Variants in GOT1 observed in about 807,000 individuals in gnomAD.
GOT1 encodes aspartate aminotransferase, cytoplasmic.
Under a neutral mutation model 48.2 loss-of-function variants are expected in GOT1, and 25 were observed. The ratio of observed to expected loss-of-function variants is 0.52; its 90% CI spans 0.38 to 0.72. The LOEUF is 0.72. Among genes scored for constraint, GOT1 ranks in the 30% least tolerant of loss-of-function variants. The pLI, the probability that GOT1 is intolerant of heterozygous loss-of-function variation, is 0.00. For missense variants in GOT1, 380 were observed against 520.1 expected, an observed-to-expected ratio of 0.73 and a Z score of 2.62; for synonymous variants, 188 against 193.8, an observed-to-expected ratio of 0.97 and a Z score of 0.25.
rs1415453222 is a variant in GOT1 at position 99,430,527 on chromosome 10, G to A, written c.39C>T (p.Ala13=). 1.2e-6 allele frequency: 2 copies of A among 1,609,252 alleles called. No individual in the cohort carries two copies. The highest frequency in any genetic ancestry group is 1.7e-6 in the Non-Finnish European group (2 of 1,177,258). The change falls in exon 1 of 9, where the codon GCC becomes GCT. Residue 13 remains alanine (A), a synonymous_variant. Coordinates refer to ENST00000370508, the MANE Select transcript of GOT1 (RefSeq NM_002079.3). The part of the protein sequence containing the change: ...PPSVFAEVPQ[A]QPVLVFKLTA... ...TGAGCTTGAAGACCAGGACAGGCTG[G>A]GCCTGCGGAACCTCGGCAAAGACTG...
At chr10:99,419,309 C>CGG (rs2032937892) in intron 2 of GOT1, among the ~76,000 whole-genome samples, 1 of 152,186 alleles carries the variant, frequency 6.6e-6, no homozygotes, top group Admixed American at 6.5e-5. Context: ...CTGAGCTCTT[C>CGG]TTTTTCCCAC....
rs2032755750 is a variant in GOT1, at chr10:99,406,365, C to T, written c.425-116G>A. 3.3e-5 allele frequency: 24 copies of T among 738,426 alleles called. No homozygotes were observed. In the South Asian group the frequency reaches 3.8e-4, roughly 12 times the overall value. 45.7% of individuals were successfully genotyped at this position (738,426 alleles called of 1,614,324 possible). A position where few individuals can be genotyped will look rare whatever the true frequency, so the allele number is the denominator to read the frequency against. ...GGCTCAATGTCCACTGGGCATCATC[C>T]AGGCTGGGGGTTAAGATGTAGAGGA... On this transcript the variant is annotated intron_variant, in intron 3 of 8. Coordinates refer to ENST00000370508, the MANE Select transcript of GOT1 (RefSeq NM_002079.3).
intron 7 of GOT1, among the ~76,000 whole-genome samples, chr10:99,403,239 G>A (rs1336021575): frequency 6.6e-6 from 1 of 151,988 alleles, no homozygotes; most frequent in East Asian, 1.9e-4. Flanking sequence ...GGGGGAAATT[G>A]GGGAAAACTA....
In GOT1 at chr10:99,420,565, C is replaced by T. The variant is rs150423994; in HGVS notation, c.300+59G>A. ...CCTAATATTTTAAACAAACTGTATT[C>T]TCAACATCTTTTTACTTTCAGTTTC... On this transcript the variant is annotated intron_variant, in intron 2 of 8. Transcript: ENST00000370508. 1.3e-3 allele frequency: 1,619 copies of T among 1,287,656 alleles called. 2 individuals carry two copies. Among genetic ancestry groups the T allele is most frequent in the Non-Finnish European group, 1.6e-3 (1,500 of 910,832 alleles). 79.8% of individuals were successfully genotyped at this position (1,287,656 alleles called of 1,614,324 possible).
At chr10:99,425,255 G>A (rs900046277) in intron 1 of GOT1, among the ~76,000 whole-genome samples, 2 of 152,216 alleles carry the variant, frequency 1.3e-5, no homozygotes, top group African/African-American at 4.8e-5. Context: ...TGAGGTCTTT[G>A]AGGATCTGCA....
At chr10:99,415,316 C>T (rs2032881427) in intron 2 of GOT1, among the ~76,000 whole-genome samples, 1 of 152,210 alleles carries the variant, frequency 6.6e-6, no homozygotes, top group Admixed American at 6.5e-5. Context: ...ATAAACACCT[C>T]TATGGAAATA....
At chr10:99,424,509 G>C (rs2033012960) in intron 1 of GOT1, among the ~76,000 whole-genome samples, 1 of 152,146 alleles carries the variant, frequency 6.6e-6, no homozygotes, top group Non-Finnish European at 1.5e-5. Flanking sequence ...TTTCAGTTCT[G>C]TGTCTGGGTG....
chr10:99,424,445 C>A lies in GOT1; in HGVS notation c.119-3640G>T, dbSNP rs528075555. On this transcript the variant is annotated intron_variant, in intron 1 of 8. Transcript: ENST00000370508. ...ATATTTGAACTACCTACAAAGGATA[C>A]TAGGTAGATGCAAAAAAATTTGGGA... 2.0e-5 allele frequency among the ~76,000 whole-genome samples: 3 copies of A among 152,228 alleles called. No individual in the cohort carries two copies. In the East Asian group the frequency reaches 5.8e-4, roughly 29 times the overall value.
intron 7 of GOT1, 104 bp downstream of exon 7, chr10:99,403,365 C>T (rs1243969385): frequency 3.2e-6 from 3 of 940,776 alleles, no homozygotes; most frequent in Non-Finnish European, 4.9e-6. Context: ...GTAATTTTAT[C>T]CTGCTTCTGC....
intron 8 of GOT1, among the ~76,000 whole-genome samples, chr10:99,399,128 T>C (rs1363393525): frequency 6.6e-6 from 1 of 152,220 alleles, no homozygotes; most frequent in Non-Finnish European, 1.5e-5. Context: ...CTGTCTTTTG[T>C]GGGAGAGATC....
intron 1 of GOT1, among the ~76,000 whole-genome samples, chr10:99,421,587 G>A (rs1241381453): frequency 6.6e-6 from 1 of 151,504 alleles, no homozygotes; most frequent in Admixed American, 6.6e-5. Context: ...TCCTCTGAAA[G>A]TATTTTTAAG....
Position 99,406,265 on chromosome 10 carries a change from TAAA to T in GOT1, c.425-19_425-17del. 1 of 1,570,544 alleles carries T rather than the reference TAAA, an allele frequency of 6.4e-7. No homozygotes were observed. The highest frequency in any genetic ancestry group is 8.8e-7 in the Non-Finnish European group (1 of 1,140,272). On this transcript the variant is annotated splice_polypyrimidine_tract_variant and intron_variant, in intron 3 of 8. Transcript: ENST00000370508. ...TTGTGATTCTCTGCATGCAAAGAAG[TAAA>T]AAGTTAAGCACTTTACAAACACTAG...
intron 1 of GOT1, among the ~76,000 whole-genome samples, chr10:99,424,969 T>A (rs1482385050): frequency 6.6e-6 from 1 of 152,228 alleles, no homozygotes; most frequent in African/African-American, 2.4e-5. Flanking sequence ...TCTCATTCAC[T>A]CTTTCATTCA....
chr10:99,399,400 C>G (rs912096631), intron 8 of GOT1, among the ~76,000 whole-genome samples: 2 of 152,162 alleles, frequency 1.3e-5, no homozygotes, highest in African/African-American at 4.8e-5. Context: ...TTCTATAACC[C>G]CAAGATGGTA....
At chr10:99,403,416 A>G in intron 7 of GOT1, 53 bp downstream of exon 7, 1 of 1,419,954 alleles carries the variant, frequency 7.0e-7, no homozygotes, top group Non-Finnish European at 9.7e-7. Flanking sequence ...TACTGGGACA[A>G]TTACTGTTCT....
Position 99,403,821 on chromosome 10 carries a change from T to C in GOT1, c.696A>G (p.Gly232=), listed in dbSNP as rs779125444. The change falls in exon 6 of 9, where the codon GGA becomes GGG. Residue 232 remains glycine (G), a synonymous_variant. Transcript: ENST00000370508. ...TGGCCCAGGCATCTCTCTCCAGGTT[T>C]CCAGATGCGAAGCCCTGATAGGCTG... ...FDSAYQGFAS[G]NLERDAWAIR... is the part of the protein sequence containing the mutation. 3 of 1,614,008 alleles carry C rather than the reference T, an allele frequency of 1.9e-6. No homozygotes were observed. The highest frequency in any genetic ancestry group is 2.5e-6 in the Non-Finnish European group (3 of 1,179,926).
chr10:99,421,755 T>C (rs1455024061), intron 1 of GOT1, among the ~76,000 whole-genome samples: 1 of 152,152 alleles, frequency 6.6e-6, no homozygotes, highest in Non-Finnish European at 1.5e-5. Flanking sequence ...TCTGTTTGAA[T>C]GTTTAGGTCC....
chr10:99,412,238 T>A (rs1350637177), intron 2 of GOT1, among the ~76,000 whole-genome samples: 1 of 150,812 alleles, frequency 6.6e-6, no homozygotes, highest in African/African-American at 2.4e-5. Context: ...TCAGCAACTG[T>A]AAGAACAGGA....
intron 2 of GOT1, among the ~76,000 whole-genome samples, chr10:99,418,051 TAA>T (rs11325628): frequency 1.9e-4 from 27 of 142,952 alleles, no homozygotes; most frequent in Admixed American, 6.3e-4. Context: ...AAAGTATAAT[TAA>T]AAAAAAAAAT....
Sources: gnomAD v4.1 joint callset for allele counts (sites outside exome capture counted in the v4.1 genomes callset) on GRCh38, gnomAD v4.1.1 for gene constraint, MANE v1.5 for transcripts, NCBI Gene and HGNC (gene_info 2026-07-23, HGNC 2026-07-21) for gene names.